Variants in GAS7 observed in about 807,000 individuals in gnomAD.
The protein encoded by GAS7 is growth arrest specific 7.
In GAS7, 28 loss-of-function variants were observed where a neutral mutation model predicts 71.1. That is an observed-to-expected ratio of 0.39 (90% confidence interval 0.29 to 0.54). The LOEUF is 0.54. GAS7 is among the 20% of genes least tolerant of loss of function. The probability of loss-of-function intolerance (pLI) is 0.62; values close to 1 mark genes in which losing one functional copy is unlikely to be tolerated. For missense variants in GAS7, 436 were observed against 627.8 expected (o/e 0.69, Z 3.27); for synonymous variants, 258 against 245.8 (o/e 1.05, Z -0.46).
intron 1 of GAS7, among the ~76,000 whole-genome samples, chr17:10,024,647 T>C (rs2072398267): frequency 6.6e-6 from 1 of 152,148 alleles, no homozygotes; most frequent in Admixed American, 6.5e-5. Context: ...CTTGGCCAGA[T>C]TGCAAGGACA....
intron 11 of GAS7, among the ~76,000 whole-genome samples, chr17:9,923,139 C>T (rs1039262232): frequency 6.6e-6 from 1 of 152,132 alleles, no homozygotes; most frequent in Non-Finnish European, 1.5e-5. Context: ...GAACTCCTGA[C>T]CTCGTGATCT....
At position 9,940,262 on chromosome 17, in the gene GAS7, G is replaced by A. The variant is rs539299960; in HGVS notation, c.732-62C>T. The A allele has an allele frequency of 5.2e-5, 64 of 1,233,168 alleles. No individual in the cohort carries two copies. In the East Asian group the frequency reaches 1.4e-3, roughly 27 times the overall value. 76.4% of individuals were successfully genotyped at this position (1,233,168 alleles called of 1,614,324 possible). On this transcript the variant is annotated intron_variant, in intron 7 of 13. Coordinates refer to ENST00000432992, the MANE Select transcript of GAS7 (RefSeq NM_201433.2). ...CAGTGCCAGATCGTGGGTCTGCCCT[G>A]CTGCCCTGCACACCTCAGCCGTGGA...
At chr17:10,170,714 G>C (rs1024669426) in intron 1 of GAS7, among the ~76,000 whole-genome samples, 1 of 152,188 alleles carries the variant, frequency 6.6e-6, no homozygotes, top group African/African-American at 2.4e-5. Context: ...CTACTTTCCA[G>C]GTTGTGCCCT....
intron 1 of GAS7, among the ~76,000 whole-genome samples, chr17:10,197,133 G>T (rs1280696319): frequency 6.6e-6 from 1 of 152,062 alleles, no homozygotes; most frequent in East Asian, 1.9e-4. Flanking sequence ...ATCCTCAGGC[G>T]GACTCACCCT....
At chr17:10,073,580 CCCTCAAGA>C (rs1567580629) in intron 1 of GAS7, among the ~76,000 whole-genome samples, 2 of 152,190 alleles carry the variant, frequency 1.3e-5, no homozygotes, top group Non-Finnish European at 2.9e-5. Flanking sequence ...CGCCCCGCTC[CCCTCAAGA>C]CCTCCTACAT....
chr17:10,005,395 G>A (rs971624332), intron 2 of GAS7, among the ~76,000 whole-genome samples: 12 of 150,742 alleles, frequency 8.0e-5, no homozygotes, highest in Admixed American at 1.3e-4. Flanking sequence ...ACCCTCACCC[G>A]CAATACTTGA....
At chr17:9,937,909 T>A (rs72824230) in intron 8 of GAS7, among the ~76,000 whole-genome samples, 35,113 of 152,164 alleles carry the variant, frequency 0.23, 4,518 homozygotes, top group Non-Finnish European at 0.29. Context: ...TTTCTGTTTT[T>A]TTTTACAGAG....
chr17:10,002,680 G>C (rs1437194972), intron 2 of GAS7, among the ~76,000 whole-genome samples: 1 of 152,048 alleles, frequency 6.6e-6, no homozygotes, highest in African/African-American at 2.4e-5. Context: ...CTGTCCTTGC[G>C]ATAGTTTGCT....
chr17:10,038,915 C>T (rs1172630537), intron 1 of GAS7, among the ~76,000 whole-genome samples: 1 of 151,990 alleles, frequency 6.6e-6, no homozygotes, highest in Admixed American at 6.6e-5. Context: ...ACCTTAAGGA[C>T]ATTATGCTCA....
chr17:9,967,867 T>A (rs11650718), intron 4 of GAS7, among the ~76,000 whole-genome samples: 63,712 of 152,138 alleles, frequency 0.42, 13,921 homozygotes, highest in Non-Finnish European at 0.48. Flanking sequence ...AGACAAGACA[T>A]CCCTGTGTCG....
chr17:10,021,947 G>C (rs1474645140), intron 1 of GAS7, among the ~76,000 whole-genome samples: 1 of 152,182 alleles, frequency 6.6e-6, no homozygotes, highest in African/African-American at 2.4e-5. Flanking sequence ...GCATGGGTGG[G>C]GGGTCAGGGG....
intron 1 of GAS7, among the ~76,000 whole-genome samples, chr17:10,161,104 G>A (rs937373680): frequency 3.3e-5 from 5 of 152,020 alleles, no homozygotes; most frequent in Non-Finnish European, 7.4e-5. Context: ...GTTTGTTTGC[G>A]GTTTTTGTTT....
chr17:10,038,101 T>TA (rs2072790155), intron 1 of GAS7, among the ~76,000 whole-genome samples: 1 of 149,884 alleles, frequency 6.7e-6, no homozygotes, highest in African/African-American at 2.4e-5. Context: ...CTCATGCCTG[T>TA]AATCCCAGCA....
chr17:10,024,084 A>G (rs2072374200), intron 1 of GAS7, among the ~76,000 whole-genome samples: 1 of 152,190 alleles, frequency 6.6e-6, no homozygotes. Flanking sequence ...AGACTGCGCC[A>G]TTGTACTCCA....
intron 4 of GAS7, among the ~76,000 whole-genome samples, chr17:9,962,719 G>A (rs138097365): frequency 6.6e-5 from 10 of 152,298 alleles, no homozygotes; most frequent in African/African-American, 2.4e-4. Flanking sequence ...GACTGCCAGG[G>A]CACAGGATAC....
chr17:10,068,082 C>T (rs1271095650), intron 1 of GAS7, among the ~76,000 whole-genome samples: 1 of 152,196 alleles, frequency 6.6e-6, no homozygotes, highest in African/African-American at 2.4e-5. Context: ...ATACCTGAGA[C>T]TTCAGCCACA....
intron 1 of GAS7, among the ~76,000 whole-genome samples, chr17:10,088,174 T>C (rs922968581): frequency 6.6e-6 from 1 of 150,636 alleles, no homozygotes; most frequent in Admixed American, 6.6e-5. Flanking sequence ...TGAGCTGAGA[T>C]TGCGCCACTG....
At chr17:9,971,832 T>C (rs1162773070) in intron 3 of GAS7, among the ~76,000 whole-genome samples, 6 of 152,168 alleles carry the variant, frequency 3.9e-5, no homozygotes, top group Admixed American at 3.9e-4. Context: ...GGCTGAAAGT[T>C]ACCACCAACA....
At chr17:10,109,434 T>TA (rs1236609566) in intron 1 of GAS7, among the ~76,000 whole-genome samples, 4 of 152,076 alleles carry the variant, frequency 2.6e-5, no homozygotes, top group Non-Finnish European at 2.9e-5. Context: ...ATTAAAAAGA[T>TA]AAAAAATAAC....
Sources: gnomAD v4.1 joint callset for allele counts (sites outside exome capture counted in the v4.1 genomes callset) on GRCh38, gnomAD v4.1.1 for gene constraint, MANE v1.5 for transcripts, NCBI Gene and HGNC (gene_info 2026-07-23, HGNC 2026-07-21) for gene names.